Variants in TNFRSF10A observed in about 807,000 individuals in gnomAD.
The protein encoded by TNFRSF10A is TNF receptor superfamily member 10a.
A neutral mutation model predicts 42.8 loss-of-function variants in TNFRSF10A; 44 were observed. That is an observed-to-expected ratio of 1.03 (90% confidence interval 0.81 to 1.32). The LOEUF (loss-of-function observed/expected upper bound fraction) is 1.32, where lower values mean the gene tolerates loss of function less well. Ranked by LOEUF, TNFRSF10A falls within the 40% of genes most tolerant of loss-of-function variation. The pLI, the probability that TNFRSF10A is intolerant of heterozygous loss-of-function variation, is 0.00. For missense variants in TNFRSF10A, 680 were observed against 602.0 expected (o/e 1.13, Z -1.36); for synonymous variants, 259 against 234.2 (o/e 1.11, Z -0.97).
At chr8:23,221,834 G>T (rs1563387971) in intron 1 of TNFRSF10A, among the ~76,000 whole-genome samples, 1 of 151,364 alleles carries the variant, frequency 6.6e-6, no homozygotes, top group Non-Finnish European at 1.5e-5. Context: ...AAGAATGAAA[G>T]TTCCATGTAG....
chr8:23,224,184 C>CA (rs1252631550), intron 1 of TNFRSF10A, among the ~76,000 whole-genome samples: 1 of 151,550 alleles, frequency 6.6e-6, no homozygotes, highest in Non-Finnish European at 1.5e-5. Context: ...CCTGTACTCC[C>CA]AGCTACTCGG....
At chr8:23,223,192 A>T (rs1563388517) in intron 1 of TNFRSF10A, among the ~76,000 whole-genome samples, 1 of 152,064 alleles carries the variant, frequency 6.6e-6, no homozygotes, top group Non-Finnish European at 1.5e-5. Context: ...CAGCCTCCCG[A>T]GTAGCTGGGA....
chr8:23,218,884 A>C (rs1801219969), intron 1 of TNFRSF10A, among the ~76,000 whole-genome samples: 1 of 152,204 alleles, frequency 6.6e-6, no homozygotes, highest in Non-Finnish European at 1.5e-5. Flanking sequence ...AAGTGTGTTC[A>C]TTTACATATG....
chr8:23,224,201 G>A (rs890620352), intron 1 of TNFRSF10A, among the ~76,000 whole-genome samples: 5 of 150,706 alleles, frequency 3.3e-5, no homozygotes, highest in Admixed American at 6.6e-5. Context: ...TCGGGAGGCT[G>A]AGGCAGGAGA....
chr8:23,224,856 C>G lies in TNFRSF10A; in HGVS notation c.206G>C (p.Arg69Pro), dbSNP rs61756236. The change falls in exon 1 of 10, where the codon CGG becomes CCG. Residue 69 changes from arginine to proline, a missense_variant. Transcript: ENST00000221132. ...CCTGGGTCCTGGGGCGCGCCCTGCC[C>G]GGGCCCGGGCACTGGGTCCGTGCTG... The part of the protein sequence containing the change: ...MGQHGPSARA[R>P]AGRAPGPRPA... 2.9e-3 allele frequency: 4,480 copies of G among 1,568,778 alleles called. 21 individuals carry two copies. Among genetic ancestry groups the G allele is most frequent in the Non-Finnish European group, 2.9e-3 (3,349 of 1,157,164 alleles).
intron 2 of TNFRSF10A, among the ~76,000 whole-genome samples, chr8:23,206,533 A>C (rs1801011792): frequency 1.3e-5 from 2 of 152,246 alleles, no homozygotes; most frequent in Admixed American, 1.3e-4. Context: ...TTGTAATCTA[A>C]GAGCAATAGG....
intron 9 of TNFRSF10A, among the ~76,000 whole-genome samples, chr8:23,196,506 C>T (rs1800825626): frequency 1.3e-5 from 2 of 152,090 alleles, no homozygotes. Context: ...CACATTGTTA[C>T]ATTTTATCCC....
At chr8:23,220,626 G>A (rs750001281) in intron 1 of TNFRSF10A, among the ~76,000 whole-genome samples, 4 of 152,222 alleles carry the variant, frequency 2.6e-5, no homozygotes, top group Non-Finnish European at 5.9e-5. Flanking sequence ...CTCAGGGCTG[G>A]TGTCAGTCAC....
rs73554426 is a variant in TNFRSF10A at position 23,220,173 on chromosome 8, G to A, written c.306+4583C>T. Reference sequence around the variant, plus strand: ...GGAAGAGGCCCTTCCCAGTCCAACAGGCAGCTGCTATTATCAAGCAGGCCA... The same window carrying A: ...GGAAGAGGCCCTTCCCAGTCCAACAAGCAGCTGCTATTATCAAGCAGGCCA... On this transcript the variant is annotated intron_variant, in intron 1 of 9. Coordinates refer to ENST00000221132, the MANE Select transcript of TNFRSF10A (RefSeq NM_003844.4). Among the ~76,000 whole-genome samples, 1,418 of 152,236 alleles carry A rather than the reference G, an allele frequency of 9.3e-3. 24 individuals carry two copies. Among genetic ancestry groups the A allele is most frequent in the African/African-American group, 0.033 (1,367 of 41,540 alleles).
At chr8:23,194,641 G>C (rs1800798977) in intron 9 of TNFRSF10A, among the ~76,000 whole-genome samples, 1 of 152,142 alleles carries the variant, frequency 6.6e-6, no homozygotes, top group Non-Finnish European at 1.5e-5. Context: ...TCTTAGGTGA[G>C]CACCTGATGT....
intron 2 of TNFRSF10A, among the ~76,000 whole-genome samples, chr8:23,204,848 C>T (rs772511052): frequency 6.6e-5 from 10 of 151,740 alleles, no homozygotes; most frequent in African/African-American, 9.7e-5. Flanking sequence ...GAAAATAAGA[C>T]GAATGAAAAT....
rs150893670 is a variant in TNFRSF10A, at chr8:23,191,856, C to A, written c.1245G>T (p.Trp415Cys). The A allele has an allele frequency of 5.0e-6, 8 of 1,613,288 alleles. No homozygotes were observed. In the East Asian group the frequency reaches 1.1e-4, roughly 22 times the overall value. ...GDALYAMLMKWVNKTGRNASI... is the reference protein window; with the variant it reads ...GDALYAMLMKCVNKTGRNASI... ...AGGCGTTCCGTCCAGTTTTGTTGAC[C>A]CATTTCATCAGCATTGCATACAAGG... The change falls in exon 10 of 10, where the codon TGG becomes TGT. Residue 415 changes from tryptophan to cysteine, a missense_variant. Trp to Cys is a radical substitution (Grantham distance 215, BLOSUM62 -2). Coordinates refer to ENST00000221132, the MANE Select transcript of TNFRSF10A (RefSeq NM_003844.4).
At chr8:23,217,666 T>TA (rs11433628) in intron 1 of TNFRSF10A, among the ~76,000 whole-genome samples, 46,056 of 151,972 alleles carry the variant, frequency 0.3, 7,637 homozygotes, top group East Asian at 0.68. Context: ...ACATGAAACA[T>TA]GTCTATGAAA....
intron 5 of TNFRSF10A, 43 bp from the exon 6 acceptor site, chr8:23,200,643 C>T (rs754184620): frequency 3.7e-6 from 6 of 1,613,886 alleles, no homozygotes; most frequent in Non-Finnish European, 5.1e-6. Context: ...GGCTGCTGGT[C>T]CCTGTCTCCT....
intron 2 of TNFRSF10A, chr8:23,207,029 A>G: frequency 7.0e-6 from 3 of 426,038 alleles, no homozygotes; most frequent in Non-Finnish European, 8.9e-6. Flanking sequence ...CATGAAAAAA[A>G]GAATATCCAT....
At chr8:23,198,476 C>T (rs1014034449) in intron 8 of TNFRSF10A, among the ~76,000 whole-genome samples, 3 of 152,186 alleles carry the variant, frequency 2.0e-5, no homozygotes, top group African/African-American at 4.8e-5. Flanking sequence ...TAGGAATCTA[C>T]TGTCTGAATG....
chr8:23,203,595 C>T (rs376533218), intron 2 of TNFRSF10A, among the ~76,000 whole-genome samples: 1 of 152,166 alleles, frequency 6.6e-6, no homozygotes, highest in African/African-American at 2.4e-5. Context: ...TTTCAGTGCC[C>T]ATTTATTTAT....
chr8:23,193,563 G>A (rs1042661787), intron 9 of TNFRSF10A, among the ~76,000 whole-genome samples: 2 of 152,018 alleles, frequency 1.3e-5, no homozygotes, highest in Non-Finnish European at 2.9e-5. Context: ...ACTCTTGGAG[G>A]CTTGTTTGTA....
intron 1 of TNFRSF10A, among the ~76,000 whole-genome samples, chr8:23,220,405 T>C (rs1801241285): frequency 6.6e-6 from 1 of 152,228 alleles, no homozygotes; most frequent in African/African-American, 2.4e-5. Flanking sequence ...CTGAAGGCTC[T>C]GAAGCTTAGA....
Sources: gnomAD v4.1 joint callset for allele counts (sites outside exome capture counted in the v4.1 genomes callset) on GRCh38, gnomAD v4.1.1 for gene constraint, MANE v1.5 for transcripts, NCBI Gene and HGNC (gene_info 2026-07-23, HGNC 2026-07-21) for gene names.